Variants in SHROOM2 observed in about 807,000 individuals in gnomAD.
SHROOM2 encodes shroom family member 2, also known as protein Shroom2.
SHROOM2 carries 33 observed loss-of-function variants against 75.9 expected under a neutral mutation model. That is an observed-to-expected ratio of 0.43 (90% CI 0.33 to 0.58). The LOEUF (loss-of-function observed/expected upper bound fraction) is 0.58. Ranked by LOEUF, SHROOM2 falls within the 20% of genes least tolerant of loss-of-function variation. SHROOM2 has a pLI of 0.04. For synonymous variants in SHROOM2, 655 were observed against 663.6 expected (o/e 0.99, Z 0.20); for missense variants, 1,434 against 1,461.2 (o/e 0.98, Z 0.30).
At chrX:9,865,323 A>G (rs764203085) in intron 1 of SHROOM2, 1 of 111,539 alleles carries the variant, frequency 9.0e-6, no homozygotes, top group East Asian at 2.8e-4. Context: ...TGCTGAAAGT[A>G]TTCCCCTGGC....
chrX:9,884,659 G>T (rs1349882566), intron 2 of SHROOM2, among the ~76,000 whole-genome samples: 2 of 68,465 alleles, frequency 2.9e-5, no homozygotes, highest in Admixed American at 2.0e-4. Flanking sequence ...TTATATTTGT[G>T]TTCTAAACCC....
chrX:9,787,735 C>G (rs192932267), intron 1 of SHROOM2, among the ~76,000 whole-genome samples: 4 of 112,222 alleles, frequency 3.6e-5, no homozygotes, highest in African/African-American at 9.7e-5. Context: ...GTCTTCCATT[C>G]TATATTTTCT....
In SHROOM2 at chrX:9,937,155, C is replaced by G. The variant is rs1392272032; in HGVS notation, c.3609C>G (p.Asn1203Lys). Residue 1203 changes from asparagine to lysine, a missense_variant, in exon 7 of 10, where the codon AAC becomes AAG. Coordinates refer to ENST00000380913, the MANE Select transcript of SHROOM2 (RefSeq NM_001649.4). ...DSTRIERVMD[N>K]NTTVKMVPIK... is the part of the protein sequence containing the mutation. ...CCAGAATTGAGCGGGTGATGGACAA[C>G]AACACCACGGTGAAGATGGTGCCCA... 4 of 1,196,781 alleles carry G rather than the reference C, an allele frequency of 3.3e-6. No individual in the cohort carries two copies. The Admixed American group carries it at 9.1e-5, about 27-fold the overall frequency.
intron 1 of SHROOM2, among the ~76,000 whole-genome samples, chrX:9,846,327 C>T (rs1002945193): frequency 2.7e-5 from 3 of 111,254 alleles, no homozygotes; most frequent in Non-Finnish European, 3.8e-5. Context: ...CGGAGTCTCG[C>T]TCTGTCACCC....
intron 5 of SHROOM2, among the ~76,000 whole-genome samples, chrX:9,926,816 C>T (rs1361723008): frequency 9.0e-6 from 1 of 110,795 alleles, no homozygotes; most frequent in Non-Finnish European, 1.9e-5. Context: ...AAATGAGTGT[C>T]AGGTTTAGAC....
chrX:9,927,979 C>A (rs775851677), intron 5 of SHROOM2, among the ~76,000 whole-genome samples: 1 of 111,850 alleles, frequency 8.9e-6, no homozygotes, highest in Non-Finnish European at 1.9e-5. Flanking sequence ...TAGAGTAATG[C>A]CAGCAGGATC....
chrX:9,873,753 G>A lies in SHROOM2; in HGVS notation c.267G>A (p.Ala89=), dbSNP rs146757558. 1.3e-4 allele frequency: 153 copies of A among 1,209,659 alleles called. No individual in the cohort carries two copies. The highest frequency in any genetic ancestry group is 4.6e-4 in the Middle Eastern group (2 of 4,349). ...DIGLSGFRQE[A]ICLVKGSHKT... ...GTCTCTCAGGGTTTAGACAGGAAGC[G>A]ATTTGCCTGGTGAAGGGGTCCCATA... The change falls in exon 2 of 10, where the codon GCG becomes GCA. Residue 89 remains alanine (A), a synonymous_variant. Transcript: ENST00000380913.
chrX:9,792,359 C>A (rs192027302), intron 1 of SHROOM2, among the ~76,000 whole-genome samples: 4 of 110,110 alleles, frequency 3.6e-5, no homozygotes, highest in African/African-American at 1.3e-4. Context: ...GGACAAACCT[C>A]ATTTGGTTGA....
At chrX:9,823,235 T>C (rs186739288) in intron 1 of SHROOM2, among the ~76,000 whole-genome samples, 49 of 88,102 alleles carry the variant, frequency 5.6e-4, no homozygotes, top group Middle Eastern at 5.6e-3. Context: ...TCCTCCTCCT[T>C]CTTCTCTTCT....
chrX:9,874,301 G>A (rs1450408765), intron 2 of SHROOM2, among the ~76,000 whole-genome samples: 2 of 111,992 alleles, frequency 1.8e-5, no homozygotes, highest in African/African-American at 6.5e-5. Flanking sequence ...AGCTTGGATG[G>A]TTTTAAGAGG....
chrX:9,809,354 T>A (rs1367206753), intron 1 of SHROOM2, among the ~76,000 whole-genome samples: 1 of 111,015 alleles, frequency 9.0e-6, no homozygotes, highest in Non-Finnish European at 1.9e-5. Flanking sequence ...GATTAGATGG[T>A]GCCCACCAGA....
rs1034237323 is a variant in SHROOM2, at chrX:9,817,453, C to T, written c.165+30743C>T. ...TACCCCAAAGCAAGTTCTCTCAGTA[C>T]GAAGCAACTACTGCGTACACACAAA... is the stretch of plus-strand genomic sequence containing the variant. On this transcript the variant is annotated intron_variant, in intron 1 of 9. Coordinates refer to ENST00000380913, the MANE Select transcript of SHROOM2 (RefSeq NM_001649.4). 2.1e-4 allele frequency among the ~76,000 whole-genome samples: 24 copies of T among 111,892 alleles called. 1 individual carries two copies. Among genetic ancestry groups the T allele is most frequent in the African/African-American group, 6.5e-4 (20 of 30,776 alleles).
chrX:9,802,319 A>G (rs2083727946), intron 1 of SHROOM2, among the ~76,000 whole-genome samples: 1 of 112,041 alleles, frequency 8.9e-6, no homozygotes, highest in South Asian at 3.7e-4. Context: ...GCAGAATCTC[A>G]GCCCCTGCCC....
intron 1 of SHROOM2, among the ~76,000 whole-genome samples, chrX:9,834,355 G>A (rs1184006564): frequency 2.7e-5 from 3 of 112,420 alleles, no homozygotes; most frequent in African/African-American, 9.7e-5. Flanking sequence ...CAGACACTCC[G>A]TGTGGTGTTG....
At chrX:9,927,520 C>T (rs1191771915) in intron 5 of SHROOM2, among the ~76,000 whole-genome samples, 3 of 111,175 alleles carry the variant, frequency 2.7e-5, no homozygotes, top group Non-Finnish European at 5.7e-5. Flanking sequence ...GATTACAGAG[C>T]AGTTCAAAAC....
intron 5 of SHROOM2, among the ~76,000 whole-genome samples, chrX:9,915,330 A>G (rs990147646): frequency 1.9e-4 from 21 of 110,673 alleles, no homozygotes; most frequent in African/African-American, 6.9e-4. Context: ...CATTATTTCC[A>G]GGAACAAAAG....
At chrX:9,914,762 G>A (rs771526074) in intron 5 of SHROOM2, among the ~76,000 whole-genome samples, 2 of 112,086 alleles carry the variant, frequency 1.8e-5, no homozygotes, top group East Asian at 2.8e-4. Flanking sequence ...CTGGGGGCGG[G>A]GTGACTAGAT....
chrX:9,876,514 C>G (rs1473087500), intron 2 of SHROOM2, among the ~76,000 whole-genome samples: 1 of 112,451 alleles, frequency 8.9e-6, no homozygotes, highest in Non-Finnish European at 1.9e-5. Context: ...AACCACTAAT[C>G]TGCCTTCTGT....
At chrX:9,899,843 C>T (rs986621961) in intron 5 of SHROOM2, among the ~76,000 whole-genome samples, 1 of 112,599 alleles carries the variant, frequency 8.9e-6, no homozygotes, top group African/African-American at 3.2e-5. Flanking sequence ...AGCTCCCAGG[C>T]CGTTGAGGCT....
Sources: gnomAD v4.1 joint callset for allele counts (sites outside exome capture counted in the v4.1 genomes callset) on GRCh38, gnomAD v4.1.1 for gene constraint, MANE v1.5 for transcripts, NCBI Gene and HGNC (gene_info 2026-07-23, HGNC 2026-07-21) for gene names.